Variants in FOXP1 observed in about 807,000 individuals in gnomAD.
The protein encoded by FOXP1 is forkhead box P1.
A neutral mutation model predicts 98.2 loss-of-function variants in FOXP1; 15 were observed. The ratio of observed to expected loss-of-function variants is 0.15; its 90% CI spans 0.10 to 0.24. FOXP1 has a LOEUF of 0.24. Ranked by LOEUF, FOXP1 falls within the 10% of genes least tolerant of loss-of-function variation. The probability of loss-of-function intolerance (pLI) is 1.00; values close to 1 mark genes in which losing one functional copy is unlikely to be tolerated. For missense variants in FOXP1, 633 were observed against 848.5 expected, an observed-to-expected ratio of 0.75 and a Z score of 3.15; for synonymous variants, 371 against 314.5, an observed-to-expected ratio of 1.18 and a Z score of -1.90.
In FOXP1 at chr3:71,527,554, A is replaced by G. The variant is rs201047518; in HGVS notation, c.-297-33999T>C. The stretch of plus-strand genomic sequence containing the variant: ...GCTATAAACACAGCACAAATGCTCA[A>G]GGTCTACATAGACCTAGCTTCAAGT... On this transcript the variant is annotated intron_variant, in intron 2 of 20. Coordinates refer to ENST00000649528, the MANE Select transcript of FOXP1 (RefSeq NM_001349338.3). Among the ~76,000 whole-genome samples the G allele has an allele frequency of 3.9e-5, 6 of 152,374 alleles. No homozygotes were observed. In the East Asian group the frequency reaches 1.2e-3, roughly 29 times the overall value.
chr3:71,446,972 G>A (rs1445254668), intron 3 of FOXP1, among the ~76,000 whole-genome samples: 1 of 152,254 alleles, frequency 6.6e-6, no homozygotes, highest in Non-Finnish European at 1.5e-5. Flanking sequence ...GAAGCAGGCA[G>A]GGACTCAAAC....
intron 5 of FOXP1, among the ~76,000 whole-genome samples, chr3:71,223,687 A>C (rs11715765): frequency 0.86 from 123,697 of 144,566 alleles, 52,975 homozygotes; most frequent in East Asian, 0.94. Context: ...GAGCGAGACT[A>C]CGTCTCAAAA....
intron 17 of FOXP1, among the ~76,000 whole-genome samples, chr3:70,973,640 ACTCAACGCTGGACATGAAGACATT>A (rs1469139888): frequency 1.3e-4 from 20 of 152,258 alleles, no homozygotes; most frequent in Admixed American, 1.1e-3. Context: ...ACGGATCCAG[ACTCAACGCTGGACATGAAGACATT>A]CTAAAGAGAT....
chr3:71,548,958 G>T (rs2045570362), intron 2 of FOXP1, among the ~76,000 whole-genome samples: 1 of 152,146 alleles, frequency 6.6e-6, no homozygotes, highest in Non-Finnish European at 1.5e-5. Flanking sequence ...AACTAAGGCG[G>T]TGTGTTTAAA....
At chr3:71,281,942 C>CAAAAAAAAAA in intron 5 of FOXP1, among the ~76,000 whole-genome samples, 1 of 137,734 alleles carries the variant, frequency 7.3e-6, no homozygotes, top group Admixed American at 7.3e-5. Flanking sequence ...ACTAAAAATA[C>CAAAAAAAAAA]AAAAAAAAAA....
intron 2 of FOXP1, chr3:71,581,239 T>TA (rs2048138818): frequency 1.0e-6 from 1 of 985,084 alleles, no homozygotes; most frequent in Admixed American, 6.2e-5. Context: ...TTAATAGTTA[T>TA]AAGAGGGGAG....
chr3:71,125,714 G>A (rs901902355), intron 6 of FOXP1, among the ~76,000 whole-genome samples: 6 of 152,198 alleles, frequency 3.9e-5, no homozygotes, highest in African/African-American at 9.6e-5. Flanking sequence ...GCATGAAGAA[G>A]TAAGGATTCT....
intron 10 of FOXP1, among the ~76,000 whole-genome samples, chr3:71,043,718 G>C (rs2048654831): frequency 6.6e-6 from 1 of 152,190 alleles, no homozygotes; most frequent in Non-Finnish European, 1.5e-5. Context: ...GAGGTGGGAA[G>C]ACTAGGACAG....
intron 2 of FOXP1, among the ~76,000 whole-genome samples, chr3:71,524,693 A>G (rs532379510): frequency 7.9e-5 from 12 of 152,350 alleles, no homozygotes; most frequent in African/African-American, 2.9e-4. Context: ...GACAATTTTC[A>G]AATTGTTCAT....
chr3:71,197,257 A>G (rs1389794488), intron 6 of FOXP1, among the ~76,000 whole-genome samples: 2 of 152,114 alleles, frequency 1.3e-5, no homozygotes, highest in African/African-American at 4.8e-5. Flanking sequence ...CGCCATAACT[A>G]TGTTTTGAAT....
chr3:71,038,832 TA>T (rs1010004632), intron 11 of FOXP1, among the ~76,000 whole-genome samples: 2 of 151,622 alleles, frequency 1.3e-5, no homozygotes, highest in Non-Finnish European at 2.9e-5. Context: ...GCAGGCTAAT[TA>T]AAAAAAAGTT....
chr3:71,478,225 A>G (rs1480638648), intron 3 of FOXP1, among the ~76,000 whole-genome samples: 1 of 152,224 alleles, frequency 6.6e-6, no homozygotes, highest in Non-Finnish European at 1.5e-5. Context: ...GTCCTCTGAT[A>G]GAATACAACC....
At chr3:71,120,884 G>A (rs1220477859) in intron 6 of FOXP1, among the ~76,000 whole-genome samples, 2 of 152,138 alleles carry the variant, frequency 1.3e-5, no homozygotes, top group African/African-American at 2.4e-5. Context: ...CTATGATGCC[G>A]ATTATGTATA....
intron 3 of FOXP1, among the ~76,000 whole-genome samples, chr3:71,380,698 ATTTTTT>A (rs11395817): frequency 7.0e-5 from 7 of 100,264 alleles, no homozygotes; most frequent in South Asian, 3.4e-4. Context: ...CTTTTTAGAC[ATTTTTT>A]TTTTTTTTTT....
intron 2 of FOXP1, chr3:71,573,411 C>G (rs1361140657): frequency 7.0e-6 from 1 of 142,578 alleles, no homozygotes; most frequent in African/African-American, 2.6e-5. Flanking sequence ...ATAAGGATAG[C>G]CAGACAAAAG....
intron 3 of FOXP1, among the ~76,000 whole-genome samples, chr3:71,400,178 T>C (rs1413360412): frequency 6.6e-6 from 1 of 152,250 alleles, no homozygotes; most frequent in African/African-American, 2.4e-5. Flanking sequence ...AAAATGTTTA[T>C]GTCACCATAA....
intron 6 of FOXP1, among the ~76,000 whole-genome samples, chr3:71,186,197 A>T (rs1441734461): frequency 1.3e-5 from 2 of 152,228 alleles, no homozygotes; most frequent in Non-Finnish European, 2.9e-5. Flanking sequence ...GCATGGAGCC[A>T]GGGCCAAGGA....
At position 70,958,029 on chromosome 3, in the gene FOXP1, A is replaced by ACCCGT. The variant is rs2032238487; in HGVS notation, c.*1213_*1217dup. ...CATTTTGCAAACAAAACCAACCCAC[A>ACCCGT]CCCGTTATCGCAGAGCACCCAAGGC... On this transcript the variant is annotated 3_prime_UTR_variant, in exon 21 of 21. Coordinates refer to ENST00000649528, the MANE Select transcript of FOXP1 (RefSeq NM_001349338.3). 1.6e-5 allele frequency: 4 copies of ACCCGT among 243,172 alleles called. No individual in the cohort carries two copies. The highest frequency in any genetic ancestry group is 5.4e-5 in the Admixed American group (1 of 18,422). 15.1% of individuals were successfully genotyped at this position (243,172 alleles called of 1,614,324 possible).
At chr3:71,276,328 C>CT (rs1309685965) in intron 5 of FOXP1, 1 of 151,872 alleles carries the variant, frequency 6.6e-6, no homozygotes, top group Admixed American at 6.6e-5. Flanking sequence ...AGTTTTGGTC[C>CT]TATAATATAG....
Sources: allele counts gnomAD v4.1 joint callset (sites outside exome capture counted in the v4.1 genomes callset), GRCh38; gene constraint gnomAD v4.1.1; transcripts MANE v1.5; gene names NCBI Gene and HGNC (gene_info 2026-07-23, HGNC 2026-07-21).